The following P2RX4 variants were observed in gnomAD, a reference collection of about 807,000 sequenced individuals.
The protein encoded by P2RX4 is P2X purinoceptor 4.
Under a neutral mutation model 48.0 loss-of-function variants are expected in P2RX4, and 37 were observed. The observed-to-expected ratio is 0.77, with a 90% CI of 0.59 to 1.01. The LOEUF (loss-of-function observed/expected upper bound fraction) is 1.01, where lower values mean the gene tolerates loss of function less well. Ranked by LOEUF, P2RX4 falls within the 50% of genes least tolerant of loss-of-function variation. The pLI is 0.00. For missense variants in P2RX4, 501 were observed against 521.4 expected (o/e 0.96, Z 0.38); for synonymous variants, 200 against 199.7 (o/e 1.00, Z -0.01).
intron 2 of P2RX4, among the ~76,000 whole-genome samples, chr12:121,219,819 TAG>T (rs1265227408): frequency 7.3e-6 from 1 of 137,006 alleles, no homozygotes; most frequent in African/African-American, 2.7e-5. Flanking sequence ...ATGATAGATA[TAG>T]GATAGATTAG....
chr12:121,221,838 C>A, intron 2 of P2RX4, 75 bp from the exon 3 acceptor site: 2 of 1,237,558 alleles, frequency 1.6e-6, no homozygotes, highest in Non-Finnish European at 1.2e-6. Context: ...TTGTCCTCTT[C>A]AGTCAGCGTC....
At chr12:121,226,355 C>G (rs1886974452) in intron 5 of P2RX4, among the ~76,000 whole-genome samples, 1 of 151,730 alleles carries the variant, frequency 6.6e-6, no homozygotes, top group African/African-American at 2.4e-5. Flanking sequence ...ACCAGCCTGG[C>G]CAACATGGTG....
chr12:121,217,095 A>C (rs2136219631), intron 1 of P2RX4, 39 bp from the exon 2 acceptor site: 1 of 1,607,080 alleles, frequency 6.2e-7, no homozygotes, highest in Non-Finnish European at 8.5e-7. Flanking sequence ...AATCCATTGA[A>C]TCCTAATGGC....
chr12:121,221,639 C>T (rs760150424), intron 2 of P2RX4, among the ~76,000 whole-genome samples: 5 of 150,060 alleles, frequency 3.3e-5, no homozygotes, highest in African/African-American at 9.8e-5. Flanking sequence ...GTGATCCGCC[C>T]GCCTCAGCCT....
chr12:121,219,365 A>G (rs1341863304), intron 2 of P2RX4, among the ~76,000 whole-genome samples: 2 of 152,212 alleles, frequency 1.3e-5, no homozygotes, highest in Non-Finnish European at 2.9e-5. Flanking sequence ...CTGATCCCCA[A>G]GATGGCTCCC....
intron 1 of P2RX4, chr12:121,214,672 C>A (rs1351225269): frequency 1.3e-5 from 2 of 152,278 alleles, no homozygotes; most frequent in Non-Finnish European, 2.9e-5. Flanking sequence ...TTCCTAGAAG[C>A]CCTGGACTTG....
chr12:121,229,134 AG>A lies in P2RX4; in HGVS notation c.884+40del, dbSNP rs1566010283. 2 of 1,613,570 alleles carry A rather than the reference AG, an allele frequency of 1.2e-6. No individual in the cohort carries two copies. The highest frequency in any genetic ancestry group is 1.7e-5 in the Admixed American group (1 of 60,014). On this transcript the variant is annotated intron_variant, in intron 8 of 11. Transcript: ENST00000337233. The surrounding 1 kb of genome is among the most constrained non-coding windows in gnomAD (Gnocchi z 4.6). ...AGCTTGGGCCCCTCGCTCATGTTGT[AG>A]GGGGTGCTGGTGGCTGCGTACGTGC...
In P2RX4 at chr12:121,210,311, CCGCGCGGGGGG is replaced by C. The variant is rs1481756809; in HGVS notation, c.134+18_134+28del. 34 of 1,511,082 alleles carry C rather than the reference CCGCGCGGGGGG, an allele frequency of 2.3e-5. No homozygotes were observed. The highest frequency in any genetic ancestry group is 2.6e-5 in the Non-Finnish European group (29 of 1,134,174). 93.6% of individuals were successfully genotyped at this position (1,511,082 alleles called of 1,614,324 possible). Reference sequence around the variant, plus strand: ...CCTACGTCATCGGGTGAGCGTGGGGCCGCGCGGGGGGCGCGGCGGGTGCTGCCCTCGCGTCC... The same window carrying C: ...CCTACGTCATCGGGTGAGCGTGGGGCCGCGGCGGGTGCTGCCCTCGCGTCC... On this transcript the variant is annotated intron_variant, in intron 1 of 11. Transcript: ENST00000337233.
At chr12:121,222,597 G>A (rs1886711223) in intron 4 of P2RX4, 1 of 494,758 alleles carries the variant, frequency 2.0e-6, no homozygotes, top group Admixed American at 2.3e-5. Context: ...ACTTTTGGTA[G>A]AGATGGGTTT....
At chr12:121,222,658 C>T (rs6489800) in intron 4 of P2RX4, 121,443 of 977,328 alleles carry the variant, frequency 0.12, 8,338 homozygotes, top group Non-Finnish European at 0.14. Flanking sequence ...GTGATCCACC[C>T]GCCTCAGCCT....
At chr12:121,224,398 G>A (rs1221718273) in intron 5 of P2RX4, among the ~76,000 whole-genome samples, 2 of 152,028 alleles carry the variant, frequency 1.3e-5, no homozygotes, top group Non-Finnish European at 2.9e-5. Flanking sequence ...GAGGCCAGGA[G>A]TTCAAGACCA....
intron 1 of P2RX4, chr12:121,216,159 T>G (rs1886215267): frequency 6.6e-6 from 1 of 152,252 alleles, no homozygotes; most frequent in South Asian, 2.1e-4. Flanking sequence ...TACGAATTTG[T>G]GTTGGGCCTC....
At chr12:121,223,901 A>T (rs145781181) in intron 5 of P2RX4, among the ~76,000 whole-genome samples, 2,386 of 152,226 alleles carry the variant, frequency 0.016, 24 homozygotes, top group Non-Finnish European at 0.023. Context: ...AGTGAGAGAC[A>T]AAGGACAACA....
chr12:121,213,400 G>A (rs1886017314), intron 1 of P2RX4: 1 of 152,084 alleles, frequency 6.6e-6, no homozygotes, highest in Non-Finnish European at 1.5e-5. Context: ...CCTCCAGCCT[G>A]GGCAACAGAG....
chr12:121,221,609 G>C (rs1453396581), intron 2 of P2RX4, among the ~76,000 whole-genome samples: 2 of 150,456 alleles, frequency 1.3e-5, no homozygotes, highest in Non-Finnish European at 3.0e-5. Context: ...TGACCAGGCT[G>C]GTCTTGAACT....
At chr12:121,224,282 A>G (rs1182363273) in intron 5 of P2RX4, among the ~76,000 whole-genome samples, 1 of 152,142 alleles carries the variant, frequency 6.6e-6, no homozygotes, top group Non-Finnish European at 1.5e-5. Context: ...AAAACAACGG[A>G]TGTTTGCTAC....
At chr12:121,228,217 C>T (rs1285876806) in intron 5 of P2RX4, among the ~76,000 whole-genome samples, 2 of 151,704 alleles carry the variant, frequency 1.3e-5, no homozygotes, top group African/African-American at 4.8e-5. Flanking sequence ...TGGTGGAACC[C>T]TGTCTCTACT....
intron 1 of P2RX4, chr12:121,212,812 A>ATTT: frequency 3.0e-5 from 1 of 33,020 alleles, no homozygotes; most frequent in African/African-American, 1.4e-4. Flanking sequence ...ATATATATAT[A>ATTT]TATATATATA....
intron 8 of P2RX4, among the ~76,000 whole-genome samples, chr12:121,231,208 C>T (rs1256140094): frequency 2.0e-5 from 3 of 151,842 alleles, no homozygotes; most frequent in Non-Finnish European, 2.9e-5. Flanking sequence ...AGGGTGGTCT[C>T]GAGCTCCTCA....
Sources: gnomAD v4.1 joint callset for allele counts (sites outside exome capture counted in the v4.1 genomes callset) on GRCh38, gnomAD v4.1.1 for gene constraint, Gnocchi (gnomAD v3.1) non-coding constraint, MANE v1.5 for transcripts, NCBI Gene and HGNC (gene_info 2026-07-23, HGNC 2026-07-21) for gene names.